The following PHRF1 variants were observed in gnomAD, a reference collection of about 807,000 sequenced individuals.
PHRF1 encodes the protein PHD and RING finger domain-containing protein 1.
PHRF1 carries 53 observed loss-of-function variants against 128.9 expected under a neutral mutation model. The observed-to-expected ratio is 0.41, with a 90% CI of 0.33 to 0.52. PHRF1 has a LOEUF of 0.52. Among genes scored for constraint, PHRF1 ranks in the 20% least tolerant of loss-of-function variants. PHRF1 has a pLI of 0.21. For missense variants in PHRF1, 2,503 were observed against 2,284.5 expected, an observed-to-expected ratio of 1.10 and a Z score of -1.95; for synonymous variants, 1,178 against 980.6, an observed-to-expected ratio of 1.20 and a Z score of -3.76.
chr11:597,983 C>A lies in PHRF1; in HGVS notation c.895-390C>A, dbSNP rs1175386825. On this transcript the variant is annotated intron_variant, in intron 8 of 17. Transcript: ENST00000264555. The surrounding 1 kb of genome is among the most constrained non-coding windows in gnomAD (Gnocchi z 6.5). The stretch of plus-strand genomic sequence containing the variant: ...AGCCTTTCCCTGGGCATTGGACAAG[C>A]AGGAGGGTCTGGGCTGTGGGCATGT... Among the ~76,000 whole-genome samples the A allele has an allele frequency of 6.6e-6, 1 of 152,222 alleles. No homozygotes were observed. Among genetic ancestry groups the A allele is most frequent in the Non-Finnish European group, 1.5e-5 (1 of 68,038 alleles).
chr11:597,786 A>AT lies in PHRF1; in HGVS notation c.894+218dup, dbSNP rs558301551. Among the ~76,000 whole-genome samples the AT allele has an allele frequency of 1.2e-3, 179 of 152,208 alleles. No homozygotes were observed. The highest frequency in any genetic ancestry group is 4.2e-3 in the African/African-American group (173 of 41,542). ...TGCCTCTGAGCACCTGGAGCCAGGT[A>AT]TTGAGGGGCAGGTGAAGCCTGGCCC... is the stretch of plus-strand genomic sequence containing the variant. On this transcript the variant is annotated intron_variant, in intron 8 of 17. Transcript: ENST00000264555. The surrounding 1 kb of genome is among the most constrained non-coding windows in gnomAD (Gnocchi z 6.5).
At chr11:596,241 G>A (rs368164827) in intron 6 of PHRF1, among the ~76,000 whole-genome samples, 11 of 152,162 alleles carry the variant, frequency 7.2e-5, no homozygotes, top group Admixed American at 6.6e-4. Flanking sequence ...ATAGACTCCC[G>A]AGCCTCGGCT....
chr11:605,147 C>T lies in PHRF1; in HGVS notation c.1181C>T (p.Ala394Val), dbSNP rs759235182. 12 of 1,612,624 alleles carry T rather than the reference C, an allele frequency of 7.4e-6. No homozygotes were observed. The highest frequency in any genetic ancestry group is 5.3e-5 in the African/African-American group (4 of 74,926). Residue 394 changes from alanine to valine, a missense_variant, in exon 11 of 18, where the codon GCG becomes GTG. Ala to Val is a moderately conservative substitution (Grantham distance 64, BLOSUM62 0). Transcript: ENST00000264555. ...GAAGCCACCACTCGCTCTCGAATCGCGCGGACGCTGGGCCTGCGCAGGCCT... is the reference window on the plus strand; with the variant it reads ...GAAGCCACCACTCGCTCTCGAATCGTGCGGACGCTGGGCCTGCGCAGGCCT... ...KSEATTRSRI[A>V]RTLGLRRPVH...
rs374471357 is a variant in PHRF1, at chr11:609,158, G to T, written c.3702G>T (p.Thr1234=). 2 of 1,605,872 alleles carry T rather than the reference G, an allele frequency of 1.2e-6. No individual in the cohort carries two copies. Among genetic ancestry groups the T allele is most frequent in the African/African-American group, 1.3e-5 (1 of 75,028 alleles). Reference sequence around the variant, plus strand: ...CACATGTCTCGCCGGAGGTGGCTACGGCCGACAAGGCCCCCCTGCAGGCTC... The same window carrying T: ...CACATGTCTCGCCGGAGGTGGCTACTGCCGACAAGGCCCCCCTGCAGGCTC... The part of the protein sequence containing the change: ...GEAHVSPEVA[T]ADKAPLQAPP... Residue 1234 remains threonine, a synonymous_variant, in exon 14 of 18, where the codon ACG becomes ACT. Coordinates refer to ENST00000264555, the MANE Select transcript of PHRF1 (RefSeq NM_001286581.2).
chr11:591,053 G>C (rs1209562659), intron 4 of PHRF1, among the ~76,000 whole-genome samples: 2 of 152,192 alleles, frequency 1.3e-5, no homozygotes, highest in Non-Finnish European at 2.9e-5. Context: ...CAATCTTTTG[G>C]AAAAGTTAGC....
At chr11:586,349 C>T (rs1470911480) in intron 3 of PHRF1, among the ~76,000 whole-genome samples, 1 of 152,246 alleles carries the variant, frequency 6.6e-6, no homozygotes, top group Non-Finnish European at 1.5e-5. Context: ...TCTGCTGCCT[C>T]CCTCGCAGCT....
Position 607,529 on chromosome 11 carries a change from T to A in PHRF1, c.2073T>A (p.Gly691=). 6.2e-7 allele frequency: 1 copy of A among 1,612,670 alleles called. No individual in the cohort carries two copies. Among genetic ancestry groups the A allele is most frequent in the Non-Finnish European group, 8.5e-7 (1 of 1,179,880 alleles). The change falls in exon 14 of 18, where the codon GGT becomes GGA. Residue 691 remains glycine, a synonymous_variant. Coordinates refer to ENST00000264555, the MANE Select transcript of PHRF1 (RefSeq NM_001286581.2). ...CAAAGATCAGGAGAGATGACGGTGG[T>A]GGCAGACGGGATGCGGCCCCGGCCC... ...RIPKIRRDDG[G]GRRDAAPAHG...
At position 612,163 on chromosome 11, in the gene PHRF1, C is replaced by T; in HGVS notation, c.*386C>T. On this transcript the variant is annotated 3_prime_UTR_variant, in exon 18 of 18. Coordinates refer to ENST00000264555, the MANE Select transcript of PHRF1 (RefSeq NM_001286581.2). ...GATAAATCTCTAGGTGGCCTCCCGC[C>T]AACAGCTGCTGTGTACCTTTGGCTC... 3.1e-6 allele frequency: 1 copy of T among 318,436 alleles called. No homozygotes were observed. The highest frequency in any genetic ancestry group is 5.8e-6 in the Non-Finnish European group (1 of 171,320). 19.7% of individuals were successfully genotyped at this position (318,436 alleles called of 1,614,324 possible).
intron 12 of PHRF1, 96 bp from the exon 13 acceptor site, chr11:606,346 T>C (rs1589897254): frequency 3.5e-6 from 5 of 1,418,846 alleles, no homozygotes; most frequent in Non-Finnish European, 4.6e-6. Context: ...CCAGCCCCAC[T>C]CTCCCTGGCT....
intron 8 of PHRF1, 61 bp from the exon 9 acceptor site, chr11:598,312 G>A: frequency 1.3e-6 from 2 of 1,558,352 alleles, no homozygotes; most frequent in South Asian, 2.3e-5. Flanking sequence ...TCCATTTGGG[G>A]TCTGTGCTGG....
chr11:594,290 G>A (rs1224788570), intron 6 of PHRF1, among the ~76,000 whole-genome samples: 2 of 152,238 alleles, frequency 1.3e-5, no homozygotes, highest in East Asian at 1.9e-4. Flanking sequence ...GGTCCTGGTC[G>A]CCACAGGCAC....
chr11:609,668 C>A lies in PHRF1; in HGVS notation c.4212C>A (p.Thr1404=). Residue 1404 remains threonine, a synonymous_variant, in exon 14 of 18, where the codon ACC becomes ACA. Transcript: ENST00000264555. ...CCAGAGCCCTGGTGAAGCGGGTCAC[C>A]TGGAACCTGCAGGAGTCGGAGAGCA... ...LRSRALVKRV[T]WNLQESESSA... is the part of the protein sequence containing the mutation. The A allele has an allele frequency of 6.4e-7, 1 of 1,555,084 alleles. No individual in the cohort carries two copies.
In PHRF1 at chr11:609,669, T is replaced by G; in HGVS notation, c.4213T>G (p.Trp1405Gly). 6.4e-7 allele frequency: 1 copy of G among 1,554,596 alleles called. No homozygotes were observed. The highest frequency in any genetic ancestry group is 8.7e-7 in the Non-Finnish European group (1 of 1,152,898). The change falls in exon 14 of 18, where the codon TGG becomes GGG. Residue 1405 changes from tryptophan (W) to glycine (G), a missense_variant. By Grantham distance (184) the Trp-to-Gly change is radical. Transcript: ENST00000264555. ...CAGAGCCCTGGTGAAGCGGGTCACC[T>G]GGAACCTGCAGGAGTCGGAGAGCAG... ...RSRALVKRVT[W>G]NLQESESSAP...
rs1856008528 is a variant in PHRF1, at chr11:607,274, A to G, written c.1818A>G (p.Ala606=). The change falls in exon 14 of 18, where the codon GCA becomes GCG. Residue 606 remains alanine, a synonymous_variant. Transcript: ENST00000264555. ...AGAPVRLDLP[A]APGAVQARNL... ...CGCCTGTGAGGCTGGACTTGCCAGC[A>G]GCCCCTGGGGCGGTTCAGGCTCGGA... 1 of 1,612,572 alleles carries G rather than the reference A, an allele frequency of 6.2e-7. No homozygotes were observed. The highest frequency in any genetic ancestry group is 1.1e-5 in the South Asian group (1 of 91,096).
chr11:578,506 C>T (rs1299604314), intron 1 of PHRF1, among the ~76,000 whole-genome samples: 3 of 152,240 alleles, frequency 2.0e-5, no homozygotes, highest in African/African-American at 7.2e-5. Context: ...CCCACACGGC[C>T]TCACTGATCT....
In PHRF1 at chr11:609,140, C is replaced by T. The variant is rs1267558832; in HGVS notation, c.3684C>T (p.Val1228=). 6.2e-7 allele frequency: 1 copy of T among 1,606,358 alleles called. No individual in the cohort carries two copies. The highest frequency in any genetic ancestry group is 8.5e-7 in the Non-Finnish European group (1 of 1,178,724). ...TGCCAGCCTTGGGGGAAGCACATGT[C>T]TCGCCGGAGGTGGCTACGGCCGACA... The part of the protein sequence containing the change: ...TRLPALGEAH[V]SPEVATADKA... The change falls in exon 14 of 18, where the codon GTC becomes GTT. Residue 1228 remains valine (V), a synonymous_variant. Transcript: ENST00000264555.
chr11:608,606 G>A lies in PHRF1; in HGVS notation c.3150G>A (p.Lys1050=). 1 of 1,612,224 alleles carries A rather than the reference G, an allele frequency of 6.2e-7. No individual in the cohort carries two copies. Among genetic ancestry groups the A allele is most frequent in the Non-Finnish European group, 8.5e-7 (1 of 1,179,754 alleles). Reference sequence around the variant, plus strand: ...CCAGGAGGCAGCGGTCCAAGGCCAAGAGCCGGCGGTCCTCCAGTGACCGCT... The same window carrying A: ...CCAGGAGGCAGCGGTCCAAGGCCAAAAGCCGGCGGTCCTCCAGTGACCGCT... ...ERPRRQRSKA[K]SRRSSSDRSS... is the part of the protein sequence containing the mutation. Residue 1050 remains lysine, a synonymous_variant, in exon 14 of 18, where the codon AAG becomes AAA. Coordinates refer to ENST00000264555, the MANE Select transcript of PHRF1 (RefSeq NM_001286581.2).
chr11:589,256 A>G (rs1854777554), intron 4 of PHRF1, among the ~76,000 whole-genome samples: 1 of 152,224 alleles, frequency 6.6e-6, no homozygotes, highest in African/African-American at 2.4e-5. Flanking sequence ...GGAGACGTGT[A>G]AGACATTTAA....
intron 6 of PHRF1, among the ~76,000 whole-genome samples, chr11:595,433 A>G (rs947808936): frequency 6.6e-6 from 1 of 152,254 alleles, no homozygotes; most frequent in African/African-American, 2.4e-5. Flanking sequence ...GAGGCAGTGC[A>G]GGGGCTCACT....
Sources: gnomAD v4.1 joint callset for allele counts (sites outside exome capture counted in the v4.1 genomes callset) on GRCh38, gnomAD v4.1.1 for gene constraint, Gnocchi (gnomAD v3.1) non-coding constraint, MANE v1.5 for transcripts, NCBI Gene and HGNC (gene_info 2026-07-23, HGNC 2026-07-21) for gene names.